The following KCTD19 variants were observed in gnomAD, a reference collection of about 807,000 sequenced individuals.
KCTD19 encodes potassium channel tetramerization domain containing 19.
In KCTD19, 67 loss-of-function variants were observed where a neutral mutation model predicts 103.5. The ratio of observed to expected loss-of-function variants is 0.65; its 90% CI spans 0.53 to 0.79. The LOEUF (loss-of-function observed/expected upper bound fraction) is 0.79, where lower values mean the gene tolerates loss of function less well. Among genes scored for constraint, KCTD19 ranks in the 30% least tolerant of loss-of-function variants. KCTD19 has a pLI of 0.00. For synonymous variants in KCTD19, 439 were observed against 452.2 expected, an observed-to-expected ratio of 0.97 and a Z score of 0.37; for missense variants, 980 against 1,136.1, an observed-to-expected ratio of 0.86 and a Z score of 1.98.
In KCTD19 at chr16:67,304,466, T is replaced by C. The variant is rs377711076; in HGVS notation, c.406A>G (p.Ile136Val). ...ATTGGAAATTCTGAGGGTTTGCTAA[T>C]ACACTTCCATGTACGCCAGTAGTTC... is the stretch of plus-strand genomic sequence containing the variant. The part of the protein sequence containing the change: ...SLNYWRTWKC[I>V]SKPSEFPIKS... The change falls in exon 3 of 16, where the codon ATT becomes GTT. Residue 136 changes from isoleucine to valine, a missense_variant. Transcript: ENST00000304372. 6 of 1,614,112 alleles carry C rather than the reference T, an allele frequency of 3.7e-6. No individual in the cohort carries two copies. The highest frequency in any genetic ancestry group is 4.2e-6 in the Non-Finnish European group (5 of 1,179,976).
chr16:67,305,327 G>A (rs1268259223), intron 2 of KCTD19: 2 of 210,526 alleles, frequency 9.5e-6, no homozygotes, highest in Admixed American at 5.8e-5. Flanking sequence ...TATTGCCACA[G>A]GACTCCACAT....
At chr16:67,310,156 A>G (rs1414251320) in intron 2 of KCTD19, among the ~76,000 whole-genome samples, 1 of 152,166 alleles carries the variant, frequency 6.6e-6, no homozygotes, top group East Asian at 1.9e-4. Context: ...GTGCTATAAG[A>G]AATCACAGAA....
intron 3 of KCTD19, 150 bp downstream of exon 3, chr16:67,304,271 C>A: frequency 1.3e-6 from 1 of 746,166 alleles, no homozygotes. Flanking sequence ...ATGGAGAGGG[C>A]CTGTGGCAGG....
At chr16:67,305,183 TCTG>T (rs1291328382) in intron 2 of KCTD19, among the ~76,000 whole-genome samples, 1 of 152,194 alleles carries the variant, frequency 6.6e-6, no homozygotes, top group Admixed American at 6.5e-5. Flanking sequence ...CTTGTTATTT[TCTG>T]CTATCATTTT....
chr16:67,313,111 A>ATT (rs59772510), intron 2 of KCTD19, among the ~76,000 whole-genome samples: 6 of 144,140 alleles, frequency 4.2e-5, no homozygotes, highest in East Asian at 2.0e-4. Context: ...TGAAATTAGA[A>ATT]TTTTTTTTTT....
At chr16:67,294,496 G>C (rs1320242829) in intron 11 of KCTD19, 84 bp downstream of exon 11, 10 of 927,814 alleles carry the variant, frequency 1.1e-5, no homozygotes, top group Admixed American at 1.8e-5. Context: ...GCACCCACCA[G>C]TAGCTGAACC....
chr16:67,311,460 G>A (rs1181499634), intron 2 of KCTD19, among the ~76,000 whole-genome samples: 6 of 151,894 alleles, frequency 4.0e-5, no homozygotes, highest in African/African-American at 1.2e-4. Flanking sequence ...CTGCCACCAC[G>A]CCTGGCTAAT....
Position 67,320,519 on chromosome 16 carries a change from A to C in KCTD19, c.300+70T>G. Reference sequence around the variant, plus strand: ...GTCATCTCAGCAACCAATATATAACAGGAAACAATATTTAGTGATGTAAAG... The same window carrying C: ...GTCATCTCAGCAACCAATATATAACCGGAAACAATATTTAGTGATGTAAAG... On this transcript the variant is annotated intron_variant, in intron 2 of 15. Coordinates refer to ENST00000304372, the MANE Select transcript of KCTD19 (RefSeq NM_001100915.3). The surrounding 1 kb of genome is among the most constrained non-coding windows in gnomAD (Gnocchi z 4.0). The C allele has an allele frequency of 6.8e-7, 1 of 1,463,450 alleles. No individual in the cohort carries two copies. Among genetic ancestry groups the C allele is most frequent in the Non-Finnish European group, 9.4e-7 (1 of 1,069,150 alleles). 90.7% of individuals were successfully genotyped at this position (1,463,450 alleles called of 1,614,324 possible).
chr16:67,308,416 C>T (rs1293886712), intron 2 of KCTD19, among the ~76,000 whole-genome samples: 3 of 152,180 alleles, frequency 2.0e-5, no homozygotes, highest in African/African-American at 4.8e-5. Context: ...CCTCCCACCT[C>T]GGCCTCCCAA....
At chr16:67,307,616 G>A (rs1178213539) in intron 2 of KCTD19, among the ~76,000 whole-genome samples, 3 of 151,864 alleles carry the variant, frequency 2.0e-5, no homozygotes, top group Non-Finnish European at 4.4e-5. Context: ...ACGCCTGGCC[G>A]ACAGCCAGCT....
At chr16:67,314,828 TATAGAGAGAGAG>T (rs1303902053) in intron 2 of KCTD19, among the ~76,000 whole-genome samples, 16 of 50,368 alleles carry the variant, frequency 3.2e-4, no homozygotes, top group African/African-American at 5.6e-4. Flanking sequence ...TATATATATA[TATAGAGAGAGAG>T]AGAGAGAGAG....
At chr16:67,305,856 G>A (rs1286314796) in intron 2 of KCTD19, among the ~76,000 whole-genome samples, 1 of 152,156 alleles carries the variant, frequency 6.6e-6, no homozygotes, top group Non-Finnish European at 1.5e-5. Flanking sequence ...CAAAAATCCT[G>A]AGCATTGAGA....
chr16:67,291,343 G>A lies in KCTD19; in HGVS notation c.2531C>T (p.Thr844Ile), dbSNP rs758553082. The A allele has an allele frequency of 1.2e-6, 2 of 1,613,988 alleles. No individual in the cohort carries two copies. Among genetic ancestry groups the A allele is most frequent in the African/African-American group, 1.3e-5 (1 of 74,956 alleles). Residue 844 changes from threonine (T) to isoleucine (I), a missense_variant, in exon 14 of 16, where the codon ACA becomes ATA. Physicochemically the swap from Thr to Ile is moderately conservative, Grantham distance 89 (BLOSUM62 -1). Transcript: ENST00000304372. ...ATTGGCCAGGGAGACCACCTTGGCT[G>A]TGATGGCTTTGGGGTCCTTTTGCCT... The part of the protein sequence containing the change: ...SIRQKDPKAI[T>I]AKVVSLANRL...
At chr16:67,294,269 C>T in intron 11 of KCTD19, 98 bp from the exon 12 acceptor site, 1 of 1,287,966 alleles carries the variant, frequency 7.8e-7, no homozygotes, top group Non-Finnish European at 1.1e-6. Context: ...ACTTCACTTG[C>T]TCTCCCTGAA....
intron 15 of KCTD19, among the ~76,000 whole-genome samples, chr16:67,290,102 T>G (rs1212920001): frequency 6.6e-6 from 1 of 151,288 alleles, no homozygotes; most frequent in Non-Finnish European, 1.5e-5. Context: ...AAAATTAGAT[T>G]AAGGAATCAG....
chr16:67,324,928 C>A (rs1467037238), intron 1 of KCTD19, among the ~76,000 whole-genome samples: 1 of 152,160 alleles, frequency 6.6e-6, no homozygotes, highest in African/African-American at 2.4e-5. Flanking sequence ...TAAGTCCCAG[C>A]CCTTCTAAAA....
In KCTD19 at chr16:67,303,132, G is replaced by T; in HGVS notation, c.643+14C>A. ...TCAGCCCGCCCCCCACCCCACCCCG[G>T]ACAGAGCAATCACCAATGAAGCGGA... On this transcript the variant is annotated intron_variant, in intron 4 of 15. Transcript: ENST00000304372. This position sits in a 1 kb window ranked among gnomAD's most constrained non-coding sequence, Gnocchi z 4.3. The T allele has an allele frequency of 3.1e-6, 5 of 1,589,486 alleles. No individual in the cohort carries two copies. Among genetic ancestry groups the T allele is most frequent in the Non-Finnish European group, 4.3e-6 (5 of 1,165,134 alleles).
Position 67,299,382 on chromosome 16 carries a change from C to T in KCTD19, c.967G>A (p.Val323Ile), listed in dbSNP as rs370173436. 58 of 1,614,106 alleles carry T rather than the reference C, an allele frequency of 3.6e-5. No individual in the cohort carries two copies. The highest frequency in any genetic ancestry group is 6.7e-5 in the East Asian group (3 of 44,894). The change falls in exon 6 of 16, where the codon GTC becomes ATC. Residue 323 changes from valine to isoleucine, a missense_variant. Physicochemically the swap from Val to Ile is conservative, Grantham distance 29 (BLOSUM62 3). Coordinates refer to ENST00000304372, the MANE Select transcript of KCTD19 (RefSeq NM_001100915.3). ...GSRLYITGNGVLFQHVKNWLG... is the reference protein window; with the variant it reads ...GSRLYITGNGILFQHVKNWLG... ...CCTCACTTGACGTGCTGAAAGAGGACGCCATTCCCTGTGATGTACAGTCGG... is the reference window on the plus strand; with the variant it reads ...CCTCACTTGACGTGCTGAAAGAGGATGCCATTCCCTGTGATGTACAGTCGG...
In KCTD19 at chr16:67,299,321, C is replaced by A; in HGVS notation, c.986+42G>T. 1.9e-6 allele frequency: 3 copies of A among 1,585,604 alleles called. No individual in the cohort carries two copies. The South Asian group carries it at 3.3e-5, about 18-fold the overall frequency. On this transcript the variant is annotated intron_variant, in intron 6 of 15. Coordinates refer to ENST00000304372, the MANE Select transcript of KCTD19 (RefSeq NM_001100915.3). Reference sequence around the variant, plus strand: ...GTTATTCCTAGAGGGAAGGGCAGAGCCAAGGGTGATGGGACTCAGTGTGCC... The same window carrying A: ...GTTATTCCTAGAGGGAAGGGCAGAGACAAGGGTGATGGGACTCAGTGTGCC...
Sources: gnomAD v4.1 joint callset for allele counts (sites outside exome capture counted in the v4.1 genomes callset) on GRCh38, gnomAD v4.1.1 for gene constraint, Gnocchi (gnomAD v3.1) non-coding constraint, MANE v1.5 for transcripts, NCBI Gene and HGNC (gene_info 2026-07-23, HGNC 2026-07-21) for gene names.